Variants in MINDY4B observed in about 807,000 individuals in gnomAD.
The protein encoded by MINDY4B is MINDY family member 4B, also known as inactive ubiquitin carboxyl-terminal hydrolase MINDY-4B.
In MINDY4B, 25 loss-of-function variants were observed where a neutral mutation model predicts 16.7. The observed-to-expected ratio is 1.49, with a 90% CI of 1.09 to 2.09. The LOEUF is 2.09. Among genes scored for constraint, MINDY4B ranks in the 30% most tolerant of loss-of-function variants. MINDY4B has a pLI of 0.00. For missense variants in MINDY4B, 327 were observed against 168.4 expected (o/e 1.94, Z -5.21); for synonymous variants, 132 against 61.9 (o/e 2.13, Z -5.32).
rs545781933 is a variant in MINDY4B, at chr3:150,899,922, T to C, written c.309+3327A>G. On this transcript the variant is annotated intron_variant, in intron 3 of 11. Coordinates refer to ENST00000465419, the MANE Select transcript of MINDY4B (RefSeq NM_001351281.2). ...CATTTCAGAGCTTCATTCATTTGAGTCTCTCCAGAATATTTTGGTCTCTTG... is the reference window on the plus strand; with the variant it reads ...CATTTCAGAGCTTCATTCATTTGAGCCTCTCCAGAATATTTTGGTCTCTTG... 8.5e-5 allele frequency among the ~76,000 whole-genome samples: 13 copies of C among 152,284 alleles called. 1 individual carries two copies. The highest frequency in any genetic ancestry group is 2.6e-4 in the Admixed American group (4 of 15,306).
chr3:150,893,708 TGG>T (rs549403044), intron 4 of MINDY4B, among the ~76,000 whole-genome samples: 9 of 14,336 alleles, frequency 6.3e-4, no homozygotes, highest in East Asian at 9.0e-3. Context: ...GGGGGGGGGG[TGG>T]GGTGCAGTCT....
intron 3 of MINDY4B, 61 bp downstream of exon 3, chr3:150,903,188 A>G (rs1430420759): frequency 2.5e-6 from 1 of 398,042 alleles, no homozygotes; most frequent in East Asian, 3.6e-5. Flanking sequence ...AAGATTCCCC[A>G]GCCTTGTTGT....
At chr3:150,886,892 G>T (rs904753080) in intron 7 of MINDY4B, among the ~76,000 whole-genome samples, 1 of 152,146 alleles carries the variant, frequency 6.6e-6, no homozygotes, top group African/African-American at 2.4e-5. Flanking sequence ...CCTTCAATCA[G>T]TTAGGTAACA....
intron 10 of MINDY4B, among the ~76,000 whole-genome samples, chr3:150,874,398 G>T (rs1380996157): frequency 6.6e-6 from 1 of 152,194 alleles, no homozygotes; most frequent in Non-Finnish European, 1.5e-5. Context: ...CAGTGGTCCT[G>T]CAAACTTCTA....
intron 3 of MINDY4B, among the ~76,000 whole-genome samples, chr3:150,896,314 C>A (rs1006696124): frequency 6.6e-5 from 10 of 152,138 alleles, no homozygotes; most frequent in African/African-American, 9.7e-5. Flanking sequence ...TGGGCTTCAC[C>A]TTTCCCTGGT....
intron 7 of MINDY4B, among the ~76,000 whole-genome samples, chr3:150,889,339 C>G (rs1034818004): frequency 6.6e-6 from 1 of 152,218 alleles, no homozygotes; most frequent in Non-Finnish European, 1.5e-5. Context: ...CTTCCATCAT[C>G]GAAGCGGATC....
intron 5 of MINDY4B, 97 bp downstream of exon 5, chr3:150,893,227 C>A: frequency 1.5e-6 from 1 of 680,378 alleles, no homozygotes; most frequent in Admixed American, 2.1e-5. Context: ...AGGTAGATTT[C>A]CTTTCTGAGA....
chr3:150,874,398 G>A (rs1380996157), intron 10 of MINDY4B, among the ~76,000 whole-genome samples: 1 of 152,194 alleles, frequency 6.6e-6, no homozygotes, highest in African/African-American at 2.4e-5. Flanking sequence ...CAGTGGTCCT[G>A]CAAACTTCTA....
At chr3:150,891,245 C>G in intron 5 of MINDY4B, 142 bp from the exon 6 acceptor site, 1 of 606,106 alleles carries the variant, frequency 1.6e-6, no homozygotes, top group Non-Finnish European at 3.0e-6. Flanking sequence ...CTCCAAAGTT[C>G]CTGCCCTTGA....
chr3:150,894,003 T>C (rs1711893185), intron 4 of MINDY4B, among the ~76,000 whole-genome samples, 183 bp downstream of exon 4: 1 of 152,178 alleles, frequency 6.6e-6, no homozygotes, highest in South Asian at 2.1e-4. Flanking sequence ...TATCAGATTT[T>C]TAGATTTGTT....
At chr3:150,882,578 A>G (rs868570588) in intron 10 of MINDY4B, among the ~76,000 whole-genome samples, 20 of 139,386 alleles carry the variant, frequency 1.4e-4, no homozygotes, top group South Asian at 8.4e-4. Flanking sequence ...ATATATATAT[A>G]TATATATATA....
chr3:150,879,139 A>T (rs1293387047), intron 10 of MINDY4B, among the ~76,000 whole-genome samples: 1 of 152,202 alleles, frequency 6.6e-6, no homozygotes, highest in African/African-American at 2.4e-5. Flanking sequence ...TCTAATACTG[A>T]TTGAAAGAAG....
At chr3:150,901,767 T>G (rs374709492) in intron 3 of MINDY4B, among the ~76,000 whole-genome samples, 2 of 152,194 alleles carry the variant, frequency 1.3e-5, no homozygotes, top group African/African-American at 4.8e-5. Context: ...GCAATCCCCC[T>G]GCCTCAGCCT....
At chr3:150,880,199 C>T (rs988773941) in intron 10 of MINDY4B, among the ~76,000 whole-genome samples, 7 of 152,234 alleles carry the variant, frequency 4.6e-5, no homozygotes, top group East Asian at 1.9e-4. Flanking sequence ...AAGTCACACA[C>T]CTGTGAGTGG....
At chr3:150,873,130 A>AG (rs1717008254) in intron 11 of MINDY4B, 57 bp downstream of exon 11, 1 of 649,108 alleles carries the variant, frequency 1.5e-6, no homozygotes, top group Admixed American at 2.4e-5. Context: ...AAACATTGGC[A>AG]ACCGCATCTC....
intron 10 of MINDY4B, among the ~76,000 whole-genome samples, chr3:150,875,977 G>A (rs1032742127): frequency 6.6e-6 from 1 of 152,004 alleles, no homozygotes; most frequent in Non-Finnish European, 1.5e-5. Context: ...CATTTGTATT[G>A]CTTTTGGATA....
intron 3 of MINDY4B, among the ~76,000 whole-genome samples, chr3:150,899,473 G>T (rs890519345): frequency 6.6e-6 from 1 of 152,180 alleles, no homozygotes; most frequent in Non-Finnish European, 1.5e-5. Context: ...AGCACACAAA[G>T]GAATGGTGAC....
At position 150,873,323 on chromosome 3, in the gene MINDY4B, G is replaced by A; in HGVS notation, c.1104C>T (p.Cys368=). The change falls in exon 11 of 12, where the codon TGC becomes TGT. Residue 368 remains cysteine, a synonymous_variant. Coordinates refer to ENST00000465419, the MANE Select transcript of MINDY4B (RefSeq NM_001351281.2). ...LKTPKLPIWL[C]NINGNYSILF... ...GGATGCTGTAATTTCCATTGATGTT[G>A]CACAGCCAAATAGGTAATTTGGGAG... The A allele has an allele frequency of 1.4e-6, 1 of 702,762 alleles. No individual in the cohort carries two copies. The highest frequency in any genetic ancestry group is 2.6e-6 in the Non-Finnish European group (1 of 384,818). 43.5% of individuals were successfully genotyped at this position (702,762 alleles called of 1,614,324 possible). A position where few individuals can be genotyped will look rare whatever the true frequency, so the allele number is the denominator to read the frequency against.
chr3:150,885,577 C>T (rs1711602036), intron 7 of MINDY4B, 139 bp from the exon 8 acceptor site: 1 of 630,856 alleles, frequency 1.6e-6, no homozygotes, highest in South Asian at 1.9e-5. Flanking sequence ...CCTCTGCCTC[C>T]ATAAGTCTTC....
Sources: allele counts gnomAD v4.1 joint callset (sites outside exome capture counted in the v4.1 genomes callset), GRCh38; gene constraint gnomAD v4.1.1; transcripts MANE v1.5; gene names NCBI Gene and HGNC (gene_info 2026-07-23, HGNC 2026-07-21).